The following FUT8 variants were observed in gnomAD, a reference collection of about 807,000 sequenced individuals.
The protein encoded by FUT8 is alpha-(1,6)-fucosyltransferase.
In FUT8, 29 loss-of-function variants were observed where a neutral mutation model predicts 71.3. The ratio of observed to expected loss-of-function variants is 0.41; its 90% CI spans 0.30 to 0.55. The LOEUF is 0.55. Ranked by LOEUF, FUT8 falls within the 20% of genes least tolerant of loss-of-function variation. The probability of loss-of-function intolerance (pLI) is 0.34; values close to 1 mark genes in which losing one functional copy is unlikely to be tolerated. For synonymous variants in FUT8, 254 were observed against 239.3 expected (o/e 1.06, Z -0.57); for missense variants, 544 against 702.1 (o/e 0.77, Z 2.55).
chr14:65,396,051 A>G, the FUT8 span, among the ~76,000 whole-genome samples: 2 of 152,216 alleles, frequency 1.3e-5, no homozygotes, highest in East Asian at 3.8e-4. This position sits in a 1 kb window ranked among gnomAD's most constrained non-coding sequence, Gnocchi z 5.5. Context: ...TCTTTACTTC[A>G]GTCCCCACAA....
the FUT8 span, among the ~76,000 whole-genome samples, chr14:65,374,592 GT>G: frequency 6.7e-6 from 1 of 148,948 alleles, no homozygotes; most frequent in African/African-American, 2.5e-5. Context: ...ACGGTGAGTT[GT>G]TTTTTTTGTT....
At chr14:65,587,574 T>G (rs1363658648) in intron 3 of FUT8, among the ~76,000 whole-genome samples, 1 of 152,224 alleles carries the variant, frequency 6.6e-6, no homozygotes, top group African/African-American at 2.4e-5. Flanking sequence ...ACCTGTGCTA[T>G]TAATATTTTA....
chr14:65,432,778 C>T (rs1371624968), intron 1 of FUT8, among the ~76,000 whole-genome samples: 1 of 152,124 alleles, frequency 6.6e-6, no homozygotes, highest in Non-Finnish European at 1.5e-5. Context: ...CTTACAAATG[C>T]CATGGCAATG....
rs1241593912 is a variant in FUT8, at chr14:65,472,180, G to A, written c.-228+16462G>A. On this transcript the variant is annotated intron_variant, in intron 2 of 10. Coordinates refer to ENST00000673929, the MANE Select transcript of FUT8 (RefSeq NM_001371533.1). This position sits in a 1 kb window ranked among gnomAD's most constrained non-coding sequence, Gnocchi z 4.4. ...GATCGGCTTGTAGTGAGGGCCTTAG[G>A]CTACTTCCACTGATAGCAGAAGGCA... Among the ~76,000 whole-genome samples, 1 of 152,138 alleles carries A rather than the reference G, an allele frequency of 6.6e-6. No individual in the cohort carries two copies. The highest frequency in any genetic ancestry group is 2.4e-5 in the African/African-American group (1 of 41,432).
At chr14:65,564,296 G>T (rs75855006) in intron 3 of FUT8, among the ~76,000 whole-genome samples, 1,589 of 152,074 alleles carry the variant, frequency 0.01, 29 homozygotes, top group African/African-American at 0.037. Context: ...TTGAGATAAG[G>T]CATATGGATT....
chr14:65,527,996 A>G (rs1421059471), intron 2 of FUT8, among the ~76,000 whole-genome samples: 1 of 152,204 alleles, frequency 6.6e-6, no homozygotes, highest in Non-Finnish European at 1.5e-5. Flanking sequence ...CTCGGGGGTC[A>G]GTGACCTACT....
At chr14:65,703,362 T>G (rs1318291321) in intron 7 of FUT8, among the ~76,000 whole-genome samples, 3 of 152,206 alleles carry the variant, frequency 2.0e-5, no homozygotes, top group Admixed American at 6.5e-5. Flanking sequence ...TTCATAGTTC[T>G]TTTTCTTCAT....
Position 65,692,383 on chromosome 14 carries a change from C to T in FUT8, c.835+22903C>T, listed in dbSNP as rs1158949162. On this transcript the variant is annotated intron_variant, in intron 7 of 10. Transcript: ENST00000673929. ...CTGACCCCCCCACCTCCCTCCCGGACGGGGCGGCTGGCCGGGCGGGGGGCT... is the reference window on the plus strand; with the variant it reads ...CTGACCCCCCCACCTCCCTCCCGGATGGGGCGGCTGGCCGGGCGGGGGGCT... Among the ~76,000 whole-genome samples, 787 of 107,436 alleles carry T rather than the reference C, an allele frequency of 7.3e-3. 1 individual carries two copies. The highest frequency in any genetic ancestry group is 9.7e-3 in the East Asian group (29 of 3,002). 70.5% of individuals were successfully genotyped at this position (107,436 alleles called of 152,430 possible). A position where few individuals can be genotyped will look rare whatever the true frequency, so the allele number is the denominator to read the frequency against.
chr14:65,536,941 A>C (rs1594749742), intron 2 of FUT8, among the ~76,000 whole-genome samples: 2 of 141,582 alleles, frequency 1.4e-5, no homozygotes, highest in Admixed American at 7.0e-5. Context: ...AGGTTTTGCT[A>C]TTCCCTTTTG....
chr14:65,710,504 A>G (rs1001125957), intron 7 of FUT8, among the ~76,000 whole-genome samples: 5 of 152,092 alleles, frequency 3.3e-5, no homozygotes, highest in South Asian at 2.1e-4. Context: ...TTCTATGCCA[A>G]TTTTCTTCTA....
chr14:65,648,518 C>T (rs919290948), intron 6 of FUT8, among the ~76,000 whole-genome samples: 1 of 152,144 alleles, frequency 6.6e-6, no homozygotes, highest in Non-Finnish European at 1.5e-5. Flanking sequence ...CAGGAATATA[C>T]CCCTTGCTAT....
At chr14:65,530,433 A>G (rs1021053159) in intron 2 of FUT8, among the ~76,000 whole-genome samples, 1 of 152,170 alleles carries the variant, frequency 6.6e-6, no homozygotes, top group Non-Finnish European at 1.5e-5. Flanking sequence ...TCTCGATCCT[A>G]TTACTGCTGC....
chr14:65,366,979 G>A, the FUT8 span, among the ~76,000 whole-genome samples: 7 of 152,130 alleles, frequency 4.6e-5, no homozygotes, highest in African/African-American at 7.2e-5. Flanking sequence ...CTGAGAAAGG[G>A]GAAATGAAAG....
chr14:65,645,119 G>A (rs750223989), intron 6 of FUT8, among the ~76,000 whole-genome samples: 7 of 152,166 alleles, frequency 4.6e-5, no homozygotes, highest in Non-Finnish European at 8.8e-5. Flanking sequence ...TTCATTGCAC[G>A]TGTGCATGAA....
chr14:65,738,225 A>G (rs1896319801), intron 10 of FUT8, among the ~76,000 whole-genome samples: 1 of 152,168 alleles, frequency 6.6e-6, no homozygotes, highest in African/African-American at 2.4e-5. Context: ...ATAGTAAAAC[A>G]AAGCAGATTA....
At chr14:65,493,019 A>G (rs2066504780) in intron 2 of FUT8, among the ~76,000 whole-genome samples, 2 of 152,058 alleles carry the variant, frequency 1.3e-5, no homozygotes, top group South Asian at 2.1e-4. Flanking sequence ...GGGCTCTCCA[A>G]TAGTTGCAGA....
intron 2 of FUT8, among the ~76,000 whole-genome samples, chr14:65,457,364 T>C (rs1350102489): frequency 1.3e-5 from 2 of 152,278 alleles, no homozygotes; most frequent in African/African-American, 4.8e-5. Context: ...TTTATGGTCA[T>C]TTTGAGTATA....
intron 2 of FUT8, among the ~76,000 whole-genome samples, chr14:65,480,818 C>T (rs777143128): frequency 6.6e-6 from 1 of 151,980 alleles, no homozygotes; most frequent in Non-Finnish European, 1.5e-5. Flanking sequence ...TTCCAAGTAG[C>T]TGGGACTACA....
At position 65,566,723 on chromosome 14, in the gene FUT8, C is replaced by A. The variant is rs140062327; in HGVS notation, c.203+4957C>A. On this transcript the variant is annotated intron_variant, in intron 3 of 10. Coordinates refer to ENST00000673929, the MANE Select transcript of FUT8 (RefSeq NM_001371533.1). ...TTTGATGCTTAGGTTTTCAACATGC[C>A]TGTATTTAGAGTTTCCCAGACATCT... Among the ~76,000 whole-genome samples the A allele has an allele frequency of 3.5e-3, 530 of 151,972 alleles. 2 individuals are homozygous for A. The highest frequency in any genetic ancestry group is 0.012 in the African/African-American group (503 of 41,500).
Sources: allele counts gnomAD v4.1 joint callset (sites outside exome capture counted in the v4.1 genomes callset), GRCh38; gene constraint gnomAD v4.1.1; non-coding constraint Gnocchi (gnomAD v3.1); transcripts MANE v1.5; gene names NCBI Gene and HGNC (gene_info 2026-07-23, HGNC 2026-07-21).